The following NCBP3 variants were observed in gnomAD, a reference collection of about 807,000 sequenced individuals.
NCBP3 encodes nuclear cap-binding protein subunit 3.
A neutral mutation model predicts 75.7 loss-of-function variants in NCBP3; 20 were observed. The ratio of observed to expected loss-of-function variants is 0.26; its 90% CI spans 0.19 to 0.38. The LOEUF is 0.38. Ranked by LOEUF, NCBP3 falls within the 10% of genes least tolerant of loss-of-function variation. The pLI is 1.00. For missense variants in NCBP3, 678 were observed against 796.9 expected (o/e 0.85, Z 1.80); for synonymous variants, 293 against 290.5 (o/e 1.01, Z -0.09).
At chr17:3,828,780 T>C (rs1459016088) in intron 4 of NCBP3, among the ~76,000 whole-genome samples, 1 of 152,148 alleles carries the variant, frequency 6.6e-6, no homozygotes, top group Admixed American at 6.5e-5. Context: ...TTCTGTCTAT[T>C]CAGAATGACA....
At chr17:3,819,286 G>A (rs566757289) in intron 9 of NCBP3, among the ~76,000 whole-genome samples, 6 of 152,228 alleles carry the variant, frequency 3.9e-5, no homozygotes, top group South Asian at 4.2e-4. Flanking sequence ...GGCCCAGCGC[G>A]GTGGCTCACG....
intron 2 of NCBP3, among the ~76,000 whole-genome samples, chr17:3,841,009 A>G (rs2054053513): frequency 6.6e-6 from 1 of 151,916 alleles, no homozygotes; most frequent in African/African-American, 2.4e-5. Context: ...TGTTTTTGAG[A>G]CGGACTCTCA....
Position 3,804,957 on chromosome 17 carries a change from T to C in NCBP3, c.*8087A>G, listed in dbSNP as rs148705977. On this transcript the variant is annotated 3_prime_UTR_variant, in exon 13 of 13. Transcript: ENST00000389005. Reference sequence around the variant, plus strand: ...ACTCTCCTGCCTTCAGCTCTTTTGGTGTGTAGACTTTTTTTATTTTTGTTT... The same window carrying C: ...ACTCTCCTGCCTTCAGCTCTTTTGGCGTGTAGACTTTTTTTATTTTTGTTT... 743 of 152,320 alleles carry C rather than the reference T, an allele frequency of 4.9e-3. 6 individuals carry two copies. Among genetic ancestry groups the C allele is most frequent in the South Asian group, 0.041 (199 of 4,824 alleles). 9.4% of individuals were successfully genotyped at this position (152,320 alleles called of 1,614,324 possible). A position where few individuals can be genotyped will look rare whatever the true frequency, so the allele number is the denominator to read the frequency against.
intron 7 of NCBP3, 67 bp downstream of exon 7, chr17:3,824,875 A>G (rs1334656699): frequency 4.9e-6 from 4 of 823,648 alleles, no homozygotes; most frequent in Non-Finnish European, 7.5e-6. Context: ...TTCAAAAAAG[A>G]AGGATGTCAC....
chr17:3,828,014 A>T (rs1331604444), intron 4 of NCBP3, among the ~76,000 whole-genome samples: 1 of 152,094 alleles, frequency 6.6e-6, no homozygotes, highest in Non-Finnish European at 1.5e-5. Context: ...TGCCTCCCAG[A>T]TTCAAGCAAT....
rs538119811 is a variant in NCBP3, at chr17:3,833,790, TG to T, written c.356-4423del. Among the ~76,000 whole-genome samples, 183 of 152,324 alleles carry T rather than the reference TG, an allele frequency of 1.2e-3. 2 individuals are homozygous for T. The highest frequency in any genetic ancestry group is 2.2e-3 in the Non-Finnish European group (149 of 68,028). ...TTATGATGCTCTTGATAATTATTTT[TG>T]TCATTTTTTGGTCTTTGTTTTCTAT... is the stretch of plus-strand genomic sequence containing the variant. On this transcript the variant is annotated intron_variant, in intron 3 of 12. Transcript: ENST00000389005.
At chr17:3,832,529 G>A (rs1337266815) in intron 3 of NCBP3, among the ~76,000 whole-genome samples, 6 of 129,028 alleles carry the variant, frequency 4.7e-5, no homozygotes, top group African/African-American at 1.0e-4. Context: ...TACTCGGGAG[G>A]CTGAGGCAGG....
intron 6 of NCBP3, among the ~76,000 whole-genome samples, chr17:3,825,306 AG>A (rs2053764176): frequency 1.3e-5 from 2 of 152,186 alleles, no homozygotes; most frequent in Non-Finnish European, 2.9e-5. Flanking sequence ...TCTGTGCATC[AG>A]TGTATCCTCT....
intron 12 of NCBP3, 132 bp from the exon 13 acceptor site, chr17:3,813,411 G>A (rs1366897759): frequency 1.8e-6 from 2 of 1,108,266 alleles, no homozygotes; most frequent in South Asian, 1.5e-5. Context: ...CCACCACAGT[G>A]CAGCCTTGGG....
intron 4 of NCBP3, among the ~76,000 whole-genome samples, chr17:3,828,036 A>G: frequency 6.6e-6 from 1 of 152,190 alleles, no homozygotes; most frequent in East Asian, 1.9e-4. Context: ...CTCCTGCCTC[A>G]GCCTCCTGAA....
chr17:3,817,011 G>C (rs796283297), intron 10 of NCBP3, among the ~76,000 whole-genome samples: 3 of 152,070 alleles, frequency 2.0e-5, no homozygotes, highest in African/African-American at 7.2e-5. Context: ...CTCCAGGCTG[G>C]GCGACAGAGC....
Position 3,834,072 on chromosome 17 carries a change from C to T in NCBP3, c.356-4704G>A, listed in dbSNP as rs111860425. On this transcript the variant is annotated intron_variant, in intron 3 of 12. Transcript: ENST00000389005. ...AGGCCTCTGTTCACTATTGCACTGC[C>T]GGTCACTAATAAGGATTTCCTGGGG... 4.0e-3 allele frequency among the ~76,000 whole-genome samples: 609 copies of T among 152,212 alleles called. 4 individuals are homozygous for T. Among genetic ancestry groups the T allele is most frequent in the Middle Eastern group, 0.014 (4 of 294 alleles).
At chr17:3,841,620 T>TC (rs968501878) in intron 2 of NCBP3, among the ~76,000 whole-genome samples, 3 of 150,288 alleles carry the variant, frequency 2.0e-5, no homozygotes, top group African/African-American at 7.3e-5. Flanking sequence ...TTTTTTTTTT[T>TC]TGCGGGGATG....
intron 3 of NCBP3, among the ~76,000 whole-genome samples, chr17:3,834,530 C>T (rs921815286): frequency 3.3e-5 from 5 of 152,194 alleles, no homozygotes; most frequent in African/African-American, 9.7e-5. Flanking sequence ...AATCCCAACA[C>T]TTTGGAAGGC....
Position 3,812,491 on chromosome 17 carries a change from T to G in NCBP3, c.*553A>C, listed in dbSNP as rs1428826253. 3 of 990,174 alleles carry G rather than the reference T, an allele frequency of 3.0e-6. No individual in the cohort carries two copies. The highest frequency in any genetic ancestry group is 3.6e-6 in the Non-Finnish European group (3 of 832,746). The allele number at this position is 990,174 out of a possible 1,614,324, so 61.3% of individuals were successfully genotyped here. On this transcript the variant is annotated 3_prime_UTR_variant, in exon 13 of 13. Transcript: ENST00000389005. ...CACAGTCAATGCTGCAGCTCTTATC[T>G]ACCTGGGCGGCACTGGTGCACCTCT...
rs2053417465 is a variant in NCBP3 at position 3,811,676 on chromosome 17, A to G, written c.*1368T>C. Reference sequence around the variant, plus strand: ...ACAGGATCCAGGCTGCACTGTGTGCACAACAGCCCAGGCAGGTGAAGAGTC... The same window carrying G: ...ACAGGATCCAGGCTGCACTGTGTGCGCAACAGCCCAGGCAGGTGAAGAGTC... On this transcript the variant is annotated 3_prime_UTR_variant, in exon 13 of 13. Transcript: ENST00000389005. 6.6e-6 allele frequency: 1 copy of G among 152,260 alleles called. No homozygotes were observed. The highest frequency in any genetic ancestry group is 1.5e-5 in the Non-Finnish European group (1 of 68,058). 9.4% of individuals were successfully genotyped at this position (152,260 alleles called of 1,614,324 possible).
At chr17:3,825,271 T>C (rs536280156) in intron 6 of NCBP3, among the ~76,000 whole-genome samples, 24 of 152,312 alleles carry the variant, frequency 1.6e-4, no homozygotes, top group East Asian at 9.6e-4. Context: ...ACAACACTCA[T>C]TGCCACCTGA....
In NCBP3 at chr17:3,818,314, A is replaced by T; in HGVS notation, c.1259T>A (p.Met420Lys). ...TTCGTCAGCATACATAGTCATTTTC[A>T]TGCTTTTCTTTGGTGAAGGCGTGGA... ...MISTPSPKKS[M>K]KMTMYADEVE... Residue 420 changes from methionine (M) to lysine (K), a missense_variant, in exon 10 of 13, where the codon ATG (methionine) becomes AAG (lysine). Physicochemically the swap from Met to Lys is moderately conservative, Grantham distance 95 (BLOSUM62 -1). Transcript: ENST00000389005. This position sits in a 1 kb window ranked among gnomAD's most constrained non-coding sequence, Gnocchi z 4.7. 6.2e-7 allele frequency: 1 copy of T among 1,613,934 alleles called. No individual in the cohort carries two copies. Among genetic ancestry groups the T allele is most frequent in the Non-Finnish European group, 8.5e-7 (1 of 1,179,950 alleles).
chr17:3,819,512 A>G (rs2053620574), intron 9 of NCBP3, among the ~76,000 whole-genome samples: 1 of 151,848 alleles, frequency 6.6e-6, no homozygotes, highest in Non-Finnish European at 1.5e-5. Context: ...GTGAGCCGAG[A>G]TCGCGCCACT....
Sources: allele counts gnomAD v4.1 joint callset (sites outside exome capture counted in the v4.1 genomes callset), GRCh38; gene constraint gnomAD v4.1.1; non-coding constraint Gnocchi (gnomAD v3.1); transcripts MANE v1.5; gene names NCBI Gene and HGNC (gene_info 2026-07-23, HGNC 2026-07-21).